The following PHF21A variants were observed in gnomAD, a reference collection of about 807,000 sequenced individuals.
PHF21A encodes BHC80a.
In PHF21A, 11 loss-of-function variants were observed where a neutral mutation model predicts 82.5. That is an observed-to-expected ratio of 0.13 (90% CI 0.08 to 0.22). The LOEUF (loss-of-function observed/expected upper bound fraction) is 0.22, where lower values mean the gene tolerates loss of function less well. PHF21A is among the 10% of genes least tolerant of loss of function. The pLI is 1.00. For synonymous variants in PHF21A, 297 were observed against 302.8 expected (o/e 0.98, Z 0.20); for missense variants, 579 against 837.8 (o/e 0.69, Z 3.81).
intron 6 of PHF21A, among the ~76,000 whole-genome samples, chr11:46,035,131 C>G (rs1477486434): frequency 2.0e-5 from 3 of 152,056 alleles, no homozygotes; most frequent in African/African-American, 7.2e-5. Context: ...CCAATATGTC[C>G]GCTCTCTTTT....
At position 45,965,563 on chromosome 11, in the gene PHF21A, C is replaced by A; in HGVS notation, c.748G>T (p.Ala250Ser). 6.3e-7 allele frequency: 1 copy of A among 1,582,780 alleles called. No homozygotes were observed. Among genetic ancestry groups the A allele is most frequent in the Non-Finnish European group, 8.6e-7 (1 of 1,162,478 alleles). Residue 250 changes from alanine (A) to serine (S), a missense_variant, in exon 10 of 19, where the codon GCA (alanine) becomes TCA (serine). Coordinates refer to ENST00000676320, the MANE Select transcript of PHF21A (RefSeq NM_001352027.3). Reference protein sequence around the residue: ...VAQNNIPIAPAPPPMLAAPQL... With the variant: ...VAQNNIPIAPSPPPMLAAPQL... ...GGAGCTGCGAGCATGGGAGGTGGTG[C>A]TGGGGCAATAGGAATGTTATTCTGG... is the stretch of plus-strand genomic sequence containing the variant.
chr11:46,053,441 T>C (rs114947121), intron 6 of PHF21A, among the ~76,000 whole-genome samples: 2,354 of 152,228 alleles, frequency 0.015, 69 homozygotes, highest in African/African-American at 0.053. Context: ...TTGCTGGGCC[T>C]AAATATTAAG....
rs550815548 is a variant in PHF21A at position 45,953,518 on chromosome 11, T to C, written c.1095+9A>G. 204 of 1,576,534 alleles carry C rather than the reference T, an allele frequency of 1.3e-4. 4 individuals are homozygous for C. The South Asian group carries it at 1.6e-3, about 12-fold the overall frequency. Reference sequence around the variant, plus strand: ...AGACTGAGACCTGCCTTTGGAAACATAGGCCTACCTGAGGGTTCTCCTCCC... The same window carrying C: ...AGACTGAGACCTGCCTTTGGAAACACAGGCCTACCTGAGGGTTCTCCTCCC... On this transcript the variant is annotated intron_variant, in intron 11 of 18. Transcript: ENST00000676320.
intron 10 of PHF21A, among the ~76,000 whole-genome samples, 180 bp from the exon 11 acceptor site, chr11:45,953,805 C>T (rs944622543): frequency 1.3e-5 from 2 of 151,982 alleles, no homozygotes; most frequent in African/African-American, 4.8e-5. Flanking sequence ...AAATGTAAAG[C>T]CCCAGTTGAA....
At chr11:45,951,248 T>C (rs1015434847) in intron 11 of PHF21A, among the ~76,000 whole-genome samples, 7 of 152,234 alleles carry the variant, frequency 4.6e-5, no homozygotes, top group Non-Finnish European at 4.4e-5. Flanking sequence ...GTAAAAGACA[T>C]ACTCCTGTAG....
At chr11:46,120,159 T>C (rs942746068) in intron 1 of PHF21A, among the ~76,000 whole-genome samples, 1 of 147,258 alleles carries the variant, frequency 6.8e-6, no homozygotes, top group Non-Finnish European at 1.5e-5. Flanking sequence ...ACACACACAC[T>C]GGGGCCCGGC....
intron 1 of PHF21A, among the ~76,000 whole-genome samples, chr11:46,094,903 A>C (rs1169366615): frequency 6.6e-6 from 1 of 152,158 alleles, no homozygotes; most frequent in Non-Finnish European, 1.5e-5. Flanking sequence ...CGTCCCAAAA[A>C]AAGACAAATC....
intron 6 of PHF21A, among the ~76,000 whole-genome samples, chr11:46,067,150 C>T (rs989140966): frequency 6.6e-6 from 1 of 151,974 alleles, no homozygotes; most frequent in Non-Finnish European, 1.5e-5. Flanking sequence ...TTCAAATTTT[C>T]TTTTGTGGGG....
chr11:46,093,490 C>T (rs1451118792), intron 1 of PHF21A, among the ~76,000 whole-genome samples: 1 of 152,204 alleles, frequency 6.6e-6, no homozygotes, highest in African/African-American at 2.4e-5. Context: ...TCTGCCTTTT[C>T]TTTAGCAGCT....
intron 5 of PHF21A, 46 bp downstream of exon 5, chr11:46,079,088 T>A: frequency 8.3e-7 from 1 of 1,208,406 alleles, no homozygotes; most frequent in Non-Finnish European, 1.2e-6. Context: ...TTATTTTAAA[T>A]TATTTTTAAA....
At chr11:46,109,316 A>G (rs2097185375) in intron 1 of PHF21A, among the ~76,000 whole-genome samples, 1 of 152,206 alleles carries the variant, frequency 6.6e-6, no homozygotes, top group Non-Finnish European at 1.5e-5. Context: ...ATAAGATCCT[A>G]TGTGTAAAAA....
At chr11:45,938,057 G>A (rs2089502426) in intron 16 of PHF21A, 100 bp downstream of exon 16, 1 of 1,026,448 alleles carries the variant, frequency 9.7e-7, no homozygotes, top group South Asian at 1.8e-5. Context: ...GACGGACTGG[G>A]AGAGAGAAGA....
chr11:46,032,433 C>T (rs568855055), intron 6 of PHF21A, among the ~76,000 whole-genome samples: 1 of 152,056 alleles, frequency 6.6e-6, no homozygotes, highest in Non-Finnish European at 1.5e-5. Flanking sequence ...AAATCAGTAT[C>T]ATCTACTTCC....
At chr11:45,937,312 G>C (rs2089310133) in intron 16 of PHF21A, among the ~76,000 whole-genome samples, 1 of 152,146 alleles carries the variant, frequency 6.6e-6, no homozygotes, top group South Asian at 2.1e-4. Flanking sequence ...AAATATACAT[G>C]CATAGTTGAG....
At chr11:46,023,698 G>A (rs1368844092) in intron 6 of PHF21A, among the ~76,000 whole-genome samples, 7 of 152,228 alleles carry the variant, frequency 4.6e-5, no homozygotes, top group Non-Finnish European at 8.8e-5. Context: ...GCTCATGCCT[G>A]TAATCCCAAC....
At chr11:46,101,990 G>A (rs1174743854) in intron 1 of PHF21A, among the ~76,000 whole-genome samples, 2 of 151,812 alleles carry the variant, frequency 1.3e-5, no homozygotes, top group Non-Finnish European at 2.9e-5. Flanking sequence ...CCTGAGTAGC[G>A]GGGATTACAG....
In PHF21A at chr11:45,931,571, G is replaced by A. The variant is rs1225622971; in HGVS notation, c.*2397C>T. On this transcript the variant is annotated 3_prime_UTR_variant, in exon 19 of 19. Coordinates refer to ENST00000676320, the MANE Select transcript of PHF21A (RefSeq NM_001352027.3). ...GAAAGGCGATGGCTGATAGAGATGA[G>A]ACACATTTTACTCTAAGAAGTGTCT... The A allele has an allele frequency of 6.6e-6, 1 of 152,284 alleles. No homozygotes were observed. Among genetic ancestry groups the A allele is most frequent in the Non-Finnish European group, 1.5e-5 (1 of 68,068 alleles). 9.4% of individuals were successfully genotyped at this position (152,284 alleles called of 1,614,324 possible).
chr11:46,105,295 C>T (rs1347868563), intron 1 of PHF21A, among the ~76,000 whole-genome samples: 2 of 152,118 alleles, frequency 1.3e-5, no homozygotes, highest in African/African-American at 4.8e-5. Flanking sequence ...ACCTTTTTAC[C>T]AAATTACTAA....
intron 6 of PHF21A, among the ~76,000 whole-genome samples, chr11:46,011,142 C>T (rs2095406043): frequency 6.6e-6 from 1 of 152,060 alleles, no homozygotes; most frequent in Non-Finnish European, 1.5e-5. Flanking sequence ...AAGAATTAAC[C>T]GTTTTAATTT....
Sources: allele counts gnomAD v4.1 joint callset (sites outside exome capture counted in the v4.1 genomes callset), GRCh38; gene constraint gnomAD v4.1.1; transcripts MANE v1.5; gene names NCBI Gene and HGNC (gene_info 2026-07-23, HGNC 2026-07-21).